Variants in CHSY3 observed in about 807,000 individuals in gnomAD.
CHSY3 encodes N-acetylgalactosaminyl-proteoglycan 3-beta-glucuronosyltransferase 3.
CHSY3 carries 35 observed loss-of-function variants against 67.2 expected under a neutral mutation model. That is an observed-to-expected ratio of 0.52 (90% CI 0.40 to 0.69). The LOEUF (loss-of-function observed/expected upper bound fraction) is 0.69. Ranked by LOEUF, CHSY3 falls within the 30% of genes least tolerant of loss-of-function variation. The pLI is 0.00. For missense variants in CHSY3, 1,069 were observed against 1,138.5 expected, an observed-to-expected ratio of 0.94 and a Z score of 0.88; for synonymous variants, 474 against 434.7, an observed-to-expected ratio of 1.09 and a Z score of -1.12.
intron 2 of CHSY3, among the ~76,000 whole-genome samples, chr5:130,163,834 T>G (rs909957702): frequency 2.0e-5 from 3 of 152,144 alleles, no homozygotes; most frequent in Non-Finnish European, 2.9e-5. Flanking sequence ...CTATGTGATA[T>G]ATTGAGCTCT....
intron 2 of CHSY3, among the ~76,000 whole-genome samples, chr5:130,136,865 C>G (rs1768681570): frequency 6.6e-6 from 1 of 152,108 alleles, no homozygotes; most frequent in South Asian, 2.1e-4. Context: ...AACCCAAGAA[C>G]CAGATCATCA....
chr5:130,003,327 G>T (rs186043458), intron 2 of CHSY3, among the ~76,000 whole-genome samples: 1 of 152,168 alleles, frequency 6.6e-6, no homozygotes, highest in African/African-American at 2.4e-5. Context: ...ATGGACAGAA[G>T]GCTGTTAAAG....
At chr5:130,148,321 C>G (rs971406151) in intron 2 of CHSY3, among the ~76,000 whole-genome samples, 1 of 152,132 alleles carries the variant, frequency 6.6e-6, no homozygotes, top group African/African-American at 2.4e-5. Flanking sequence ...AGGATTGATT[C>G]CATGTCTTTA....
At chr5:130,124,039 CAAAAAAAAA>C (rs11297427) in intron 2 of CHSY3, among the ~76,000 whole-genome samples, 1 of 58,244 alleles carries the variant, frequency 1.7e-5, no homozygotes, top group Non-Finnish European at 3.0e-5. Context: ...GACTCCATCT[CAAAAAAAAA>C]AAAAAAAAAA....
At chr5:130,157,349 A>G (rs1424149272) in intron 2 of CHSY3, among the ~76,000 whole-genome samples, 1 of 152,222 alleles carries the variant, frequency 6.6e-6, no homozygotes, top group Non-Finnish European at 1.5e-5. Context: ...TAGGACTGCA[A>G]TTCAGTAGAA....
chr5:129,921,247 A>T (rs1055691558), intron 2 of CHSY3, among the ~76,000 whole-genome samples: 3 of 152,220 alleles, frequency 2.0e-5, no homozygotes, highest in African/African-American at 7.2e-5. Flanking sequence ...TAAGTAAAAC[A>T]TGTACTATGC....
intron 2 of CHSY3, among the ~76,000 whole-genome samples, chr5:130,162,459 T>G (rs139996830): frequency 1.7e-3 from 253 of 152,302 alleles, no homozygotes; most frequent in African/African-American, 5.8e-3. Context: ...ATGACCTTCC[T>G]TATGAAATCA....
rs1580809011 is a variant in CHSY3 at position 130,184,948 on chromosome 5, G to A, written c.1806G>A (p.Lys602=). The A allele has an allele frequency of 6.4e-7, 1 of 1,563,830 alleles. No individual in the cohort carries two copies. The highest frequency in any genetic ancestry group is 2.2e-5 in the East Asian group (1 of 44,572). Reference sequence around the variant, plus strand: ...TCTCCTTTATATCTAATTCTTTAAAGATATTATCTTCTTTTCAAGGTGCCA... The same window carrying A: ...TCTCCTTTATATCTAATTCTTTAAAAATATTATCTTCTTTTCAAGGTGCCA... The part of the protein sequence containing the change: ...QSFSFISNSL[K]ILSSFQGAKE... The change falls in exon 3 of 3, where the codon AAG becomes AAA. Residue 602 remains lysine (K), a synonymous_variant. Transcript: ENST00000305031.
chr5:130,006,192 G>A (rs10061890), intron 2 of CHSY3, among the ~76,000 whole-genome samples: 77,856 of 151,802 alleles, frequency 0.51, 20,684 homozygotes, highest in East Asian at 0.61. Flanking sequence ...CAAAAACAAG[G>A]AGGAACATTT....
chr5:129,966,529 T>A (rs1332013309), intron 2 of CHSY3, among the ~76,000 whole-genome samples: 1 of 151,774 alleles, frequency 6.6e-6, no homozygotes, highest in Non-Finnish European at 1.5e-5. Context: ...AATGATAAAA[T>A]TTTTAATGAA....
At chr5:130,011,677 C>T (rs1035374351) in intron 2 of CHSY3, among the ~76,000 whole-genome samples, 8 of 152,144 alleles carry the variant, frequency 5.3e-5, no homozygotes, top group African/African-American at 1.9e-4. Flanking sequence ...GATAGGAAAT[C>T]AAACTATCTC....
chr5:130,143,780 ATGTGTATATATATATATATATATATGTG>A (rs1768966529), intron 2 of CHSY3, among the ~76,000 whole-genome samples: 1 of 60,408 alleles, frequency 1.7e-5, no homozygotes, highest in Non-Finnish European at 2.8e-5. Flanking sequence ...ATATATATAT[ATGTGTATATATATATATATATATATGTG>A]TGTATATATA....
At chr5:129,918,660 T>G (rs1197390113) in intron 2 of CHSY3, among the ~76,000 whole-genome samples, 1 of 152,126 alleles carries the variant, frequency 6.6e-6, no homozygotes, top group African/African-American at 2.4e-5. Flanking sequence ...GATGGAAGAA[T>G]AGTACACTGG....
At chr5:130,135,221 CAT>C (rs1350546422) in intron 2 of CHSY3, among the ~76,000 whole-genome samples, 3 of 151,446 alleles carry the variant, frequency 2.0e-5, no homozygotes, top group Admixed American at 6.6e-5. Flanking sequence ...CACACACAAA[CAT>C]ATATGCATGT....
At chr5:130,098,832 A>G (rs1399916119) in intron 2 of CHSY3, among the ~76,000 whole-genome samples, 4 of 152,248 alleles carry the variant, frequency 2.6e-5, no homozygotes, top group Non-Finnish European at 5.9e-5. Flanking sequence ...TTAATATTAG[A>G]AAGTATCCAT....
chr5:130,163,392 A>T (rs896400594), intron 2 of CHSY3, among the ~76,000 whole-genome samples: 10 of 152,188 alleles, frequency 6.6e-5, no homozygotes, highest in Non-Finnish European at 8.8e-5. Flanking sequence ...TTAAGCAGAA[A>T]GAGGATGCCT....
chr5:129,948,725 T>A (rs1442328566), intron 2 of CHSY3, among the ~76,000 whole-genome samples: 1 of 152,228 alleles, frequency 6.6e-6, no homozygotes, highest in Non-Finnish European at 1.5e-5. Flanking sequence ...CTGGATCAAA[T>A]GGTAGTTCTA....
intron 2 of CHSY3, among the ~76,000 whole-genome samples, chr5:130,067,744 G>A (rs1292127748): frequency 6.6e-6 from 1 of 152,034 alleles, no homozygotes; most frequent in Non-Finnish European, 1.5e-5. Flanking sequence ...GAGAATATGA[G>A]TGATTATGTA....
chr5:130,180,144 C>G (rs2149736926), intron 2 of CHSY3, among the ~76,000 whole-genome samples: 1 of 152,260 alleles, frequency 6.6e-6, no homozygotes, highest in Admixed American at 6.5e-5. Context: ...TACCCTTGAA[C>G]CCTTTGGGCA....
Sources: gnomAD v4.1 joint callset for allele counts (sites outside exome capture counted in the v4.1 genomes callset) on GRCh38, gnomAD v4.1.1 for gene constraint, MANE v1.5 for transcripts, NCBI Gene and HGNC (gene_info 2026-07-23, HGNC 2026-07-21) for gene names.